Variants in CAP2 observed in about 807,000 individuals in gnomAD.
The protein encoded by CAP2 is adenylyl cyclase-associated protein 2.
Under a neutral mutation model 57.7 loss-of-function variants are expected in CAP2, and 24 were observed. The observed-to-expected ratio is 0.42, with a 90% CI of 0.30 to 0.58. The LOEUF (loss-of-function observed/expected upper bound fraction) is 0.58, where lower values mean the gene tolerates loss of function less well. CAP2 is among the 20% of genes least tolerant of loss of function. The pLI is 0.22. For synonymous variants in CAP2, 194 were observed against 207.2 expected (o/e 0.94, Z 0.55); for missense variants, 501 against 590.3 (o/e 0.85, Z 1.57).
chr6:17,486,788 C>A (rs1761430293), intron 4 of CAP2, among the ~76,000 whole-genome samples: 2 of 152,210 alleles, frequency 1.3e-5, no homozygotes, highest in African/African-American at 4.8e-5. Context: ...CAACTGAAGT[C>A]ACCCTTCCAC....
At chr6:17,414,273 T>C (rs1446140953) in intron 1 of CAP2, among the ~76,000 whole-genome samples, 1 of 147,808 alleles carries the variant, frequency 6.8e-6, no homozygotes, top group Non-Finnish European at 1.5e-5. Context: ...TTTTTTTTTC[T>C]TTATTTCTTC....
intron 4 of CAP2, among the ~76,000 whole-genome samples, chr6:17,468,720 T>C (rs1760936736): frequency 6.6e-6 from 1 of 152,222 alleles, no homozygotes; most frequent in Admixed American, 6.5e-5. Context: ...ATGGAAGGAT[T>C]CTCACATGGA....
intron 2 of CAP2, among the ~76,000 whole-genome samples, chr6:17,423,385 T>C (rs566452578): frequency 1.3e-5 from 2 of 152,364 alleles, no homozygotes; most frequent in South Asian, 4.1e-4. Flanking sequence ...GAGACACATC[T>C]ATGATTTCAT....
intron 3 of CAP2, among the ~76,000 whole-genome samples, chr6:17,462,333 A>C (rs1760751895): frequency 6.6e-6 from 1 of 152,214 alleles, no homozygotes; most frequent in African/African-American, 2.4e-5. Flanking sequence ...ACAGTGTGAA[A>C]GAGGGTAAGA....
At chr6:17,478,077 T>C (rs1761196673) in intron 4 of CAP2, among the ~76,000 whole-genome samples, 1 of 149,672 alleles carries the variant, frequency 6.7e-6, no homozygotes, top group African/African-American at 2.4e-5. Context: ...GTTGCTTGGG[T>C]CATAAACATT....
chr6:17,556,310 A>ATAAC, intron 12 of CAP2, 49 bp from the exon 13 acceptor site: 1 of 1,330,976 alleles, frequency 7.5e-7, no homozygotes, highest in Non-Finnish European at 1.1e-6. Flanking sequence ...CTTAGTTTAA[A>ATAAC]TAACTTTGTT....
chr6:17,520,021 G>A (rs1344836757), intron 7 of CAP2, among the ~76,000 whole-genome samples: 6 of 152,190 alleles, frequency 3.9e-5, no homozygotes, highest in African/African-American at 1.2e-4. Flanking sequence ...TATTTGTAGA[G>A]TAGAATAAAA....
chr6:17,499,878 T>TAAATAAATAAAA (rs1761759128), intron 4 of CAP2, among the ~76,000 whole-genome samples: 2 of 150,760 alleles, frequency 1.3e-5, no homozygotes, highest in African/African-American at 4.9e-5. Context: ...AATAAATAAA[T>TAAATAAATAAAA]AAAAGCAAAT....
At chr6:17,445,362 C>T (rs540864591) in intron 3 of CAP2, among the ~76,000 whole-genome samples, 121 of 152,366 alleles carry the variant, frequency 7.9e-4, no homozygotes, top group African/African-American at 2.8e-3. Flanking sequence ...CCATCTCGGC[C>T]TCCGAAAGTG....
At position 17,421,579 on chromosome 6, in the gene CAP2, G is replaced by T. The variant is rs770049676; in HGVS notation, c.24G>T (p.Val8=). The change falls in exon 2 of 13, where the codon GTG becomes GTT. Residue 8 remains valine (V), a synonymous_variant. Coordinates refer to ENST00000229922, the MANE Select transcript of CAP2 (RefSeq NM_006366.3). ...GAATGGCCAACATGCAGGGACTGGT[G>T]GAAAGACTGGAACGAGCTGTCAGCC... MANMQGL[V]ERLERAVSRL... is the part of the protein sequence containing the mutation. 2 of 1,614,072 alleles carry T rather than the reference G, an allele frequency of 1.2e-6. No individual in the cohort carries two copies. The highest frequency in any genetic ancestry group is 8.5e-7 in the Non-Finnish European group (1 of 1,180,024).
intron 3 of CAP2, among the ~76,000 whole-genome samples, chr6:17,459,882 A>G (rs1760677660): frequency 6.6e-6 from 1 of 152,186 alleles, no homozygotes; most frequent in South Asian, 2.1e-4. Flanking sequence ...CAAATATTCT[A>G]CACTATGAGG....
At chr6:17,509,925 C>T (rs754054049) in intron 6 of CAP2, among the ~76,000 whole-genome samples, 16 of 151,812 alleles carry the variant, frequency 1.1e-4, no homozygotes, top group East Asian at 1.9e-4. Context: ...TTCTTTTATT[C>T]GGGCAGCAGC....
intron 7 of CAP2, among the ~76,000 whole-genome samples, chr6:17,524,264 C>A (rs1057043581): frequency 1.1e-4 from 16 of 152,204 alleles, no homozygotes; most frequent in Admixed American, 2.0e-4. Context: ...GAAAAATAGT[C>A]AAATATCTCC....
At chr6:17,529,589 C>G (rs1463943985) in intron 7 of CAP2, among the ~76,000 whole-genome samples, 1 of 147,776 alleles carries the variant, frequency 6.8e-6, no homozygotes, top group Non-Finnish European at 1.5e-5. Flanking sequence ...TGCAGTGAGC[C>G]GAGATCACGC....
chr6:17,509,051 G>A (rs948187363), intron 6 of CAP2, among the ~76,000 whole-genome samples: 4 of 151,978 alleles, frequency 2.6e-5, no homozygotes, highest in African/African-American at 9.7e-5. Context: ...CACTGTGCCT[G>A]GCCTCAATTC....
At position 17,413,926 on chromosome 6, in the gene CAP2, C is replaced by T. The variant is rs145436842; in HGVS notation, c.-1-7629C>T. Among the ~76,000 whole-genome samples, 317 of 152,046 alleles carry T rather than the reference C, an allele frequency of 2.1e-3. 1 individual carries two copies. Among genetic ancestry groups the T allele is most frequent in the African/African-American group, 7.4e-3 (305 of 41,482 alleles). On this transcript the variant is annotated intron_variant, in intron 1 of 12. Coordinates refer to ENST00000229922, the MANE Select transcript of CAP2 (RefSeq NM_006366.3). ...AACATTAGCCTGGCATGGTGGAGGG[C>T]GCCTGTAATTCCAGCTACTTGGGAG...
At chr6:17,406,611 C>T (rs1758986281) in intron 1 of CAP2, among the ~76,000 whole-genome samples, 1 of 151,888 alleles carries the variant, frequency 6.6e-6, no homozygotes, top group African/African-American at 2.4e-5. Context: ...TCAGGTTGGT[C>T]TGGAACTCCT....
rs752046741 is a variant in CAP2, at chr6:17,472,333, C to CA, written c.300+9280dup. Among the ~76,000 whole-genome samples the CA allele has an allele frequency of 3.6e-3, 365 of 102,264 alleles. 63 individuals are homozygous for CA. The highest frequency in any genetic ancestry group is 0.021 in the South Asian group (62 of 2,910). The allele number at this position is 102,264 out of a possible 152,430, so 67.1% of individuals were successfully genotyped here. ...TGGGCGACAGAGCGAGACTCCGTCT[C>CA]AAAAAAAAAAAAAAAAAAAATAGTG... is the stretch of plus-strand genomic sequence containing the variant. On this transcript the variant is annotated intron_variant, in intron 4 of 12. Coordinates refer to ENST00000229922, the MANE Select transcript of CAP2 (RefSeq NM_006366.3).
At chr6:17,489,974 A>G (rs770458698) in intron 4 of CAP2, among the ~76,000 whole-genome samples, 7 of 152,138 alleles carry the variant, frequency 4.6e-5, no homozygotes, top group Non-Finnish European at 1.0e-4. Context: ...GGCAGATGCC[A>G]CAAGCTCAGC....
Sources: allele counts gnomAD v4.1 joint callset (sites outside exome capture counted in the v4.1 genomes callset), GRCh38; gene constraint gnomAD v4.1.1; transcripts MANE v1.5; gene names NCBI Gene and HGNC (gene_info 2026-07-23, HGNC 2026-07-21).